Variants in PIGN observed in about 807,000 individuals in gnomAD.
PIGN encodes the protein GPI ethanolamine phosphate transferase 1.
In PIGN, 117 loss-of-function variants were observed where a neutral mutation model predicts 125.4. The ratio of observed to expected loss-of-function variants is 0.93; its 90% CI spans 0.80 to 1.09. PIGN has a LOEUF of 1.09. Ranked by LOEUF, PIGN falls within the 50% of genes least tolerant of loss-of-function variation. The pLI is 0.00. For missense variants in PIGN, 1,075 were observed against 1,094.9 expected (o/e 0.98, Z 0.26); for synonymous variants, 392 against 377.8 (o/e 1.04, Z -0.44).
At chr18:62,110,888 TTA>T (rs901867318) in intron 16 of PIGN, among the ~76,000 whole-genome samples, 3 of 141,410 alleles carry the variant, frequency 2.1e-5, no homozygotes, top group Non-Finnish European at 4.5e-5. Context: ...TGTATATATA[TTA>T]TATATATATA....
intron 23 of PIGN, among the ~76,000 whole-genome samples, chr18:62,034,792 C>T (rs1485211947): frequency 6.6e-6 from 1 of 152,110 alleles, no homozygotes; most frequent in African/African-American, 2.4e-5. Flanking sequence ...GGGGACTTGC[C>T]TTGTCTCAGA....
intron 28 of PIGN, among the ~76,000 whole-genome samples, chr18:62,080,610 C>T (rs1290357565): frequency 2.0e-5 from 3 of 152,136 alleles, no homozygotes; most frequent in African/African-American, 4.8e-5. Flanking sequence ...TAGTCCTTTT[C>T]CCTTGTTCCT....
chr18:62,109,537 T>C (rs2034790434), intron 17 of PIGN, among the ~76,000 whole-genome samples: 2 of 152,190 alleles, frequency 1.3e-5, no homozygotes, highest in African/African-American at 4.8e-5. Flanking sequence ...CATAGTATGA[T>C]CAATATTAAT....
chr18:62,172,872 T>C (rs2037387828), intron 1 of PIGN, among the ~76,000 whole-genome samples: 1 of 152,202 alleles, frequency 6.6e-6, no homozygotes, highest in Non-Finnish European at 1.5e-5. Context: ...AAGCCACTGT[T>C]ACTGTTTCCT....
At chr18:62,172,900 ACT>A (rs1392349399) in intron 1 of PIGN, among the ~76,000 whole-genome samples, 1 of 152,164 alleles carries the variant, frequency 6.6e-6, no homozygotes, top group Non-Finnish European at 1.5e-5. Context: ...AAAAAAAGAC[ACT>A]GTCAGCCCTA....
At chr18:62,141,645 C>T (rs1300570824) in intron 11 of PIGN, among the ~76,000 whole-genome samples, 2 of 152,194 alleles carry the variant, frequency 1.3e-5, no homozygotes. Flanking sequence ...CCTCAGAATC[C>T]ACTGTCGGCC....
chr18:62,168,435 T>A (rs1295252663), intron 1 of PIGN, among the ~76,000 whole-genome samples: 2 of 152,212 alleles, frequency 1.3e-5, no homozygotes, highest in Non-Finnish European at 2.9e-5. Context: ...TTCTCTGCTT[T>A]GCTCCATCCC....
rs1328202819 is a variant in PIGN at position 62,041,488 on chromosome 18, T to C, written c.*4368A>G. 1 of 152,200 alleles carries C rather than the reference T, an allele frequency of 6.6e-6. No individual in the cohort carries two copies. The highest frequency in any genetic ancestry group is 2.4e-5 in the African/African-American group (1 of 41,440). 9.4% of individuals were successfully genotyped at this position (152,200 alleles called of 1,614,324 possible). A position where few individuals can be genotyped will look rare whatever the true frequency, so the allele number is the denominator to read the frequency against. On this transcript the variant is annotated 3_prime_UTR_variant, in exon 31 of 31. Coordinates refer to ENST00000640252, the MANE Select transcript of PIGN (RefSeq NM_176787.5). ...AAATTAAGGTTTTAGTGCAAAATTA[T>C]ATGGAGACATTTCTTTTTGAGGCAG...
At chr18:62,185,526 G>A (rs2037891141) in intron 1 of PIGN, among the ~76,000 whole-genome samples, 3 of 152,012 alleles carry the variant, frequency 2.0e-5, no homozygotes, top group South Asian at 4.1e-4. Flanking sequence ...ACTCTTAACT[G>A]TTGGCATACT....
At chr18:62,060,787 A>C (rs2032074248) in intron 30 of PIGN, among the ~76,000 whole-genome samples, 1 of 152,246 alleles carries the variant, frequency 6.6e-6, no homozygotes. Flanking sequence ...TTGAGGACGC[A>C]AATCTGAATA....
At chr18:62,160,362 T>C (rs949003102) in intron 4 of PIGN, among the ~76,000 whole-genome samples, 1 of 152,220 alleles carries the variant, frequency 6.6e-6, no homozygotes, top group African/African-American at 2.4e-5. Flanking sequence ...GCCAAAGTTA[T>C]GTTAAACAGT....
chr18:62,081,037 T>C (rs2033425027), intron 28 of PIGN, among the ~76,000 whole-genome samples: 1 of 152,184 alleles, frequency 6.6e-6, no homozygotes, highest in African/African-American at 2.4e-5. Flanking sequence ...ATACAACTTT[T>C]CTACTTCACT....
chr18:62,184,455 G>T (rs966990597), intron 1 of PIGN: 1 of 152,124 alleles, frequency 6.6e-6, no homozygotes, highest in Non-Finnish European at 1.5e-5. Context: ...ATTCCAGTGT[G>T]TGTTACTTAT....
chr18:62,151,543 G>A (rs2036535945), intron 7 of PIGN, among the ~76,000 whole-genome samples: 1 of 152,152 alleles, frequency 6.6e-6, no homozygotes, highest in Non-Finnish European at 1.5e-5. Flanking sequence ...GTTAAGGAGG[G>A]CACTGTGCAT....
intron 23 of PIGN, among the ~76,000 whole-genome samples, chr18:62,030,942 T>G (rs2030187337): frequency 6.6e-6 from 1 of 152,192 alleles, no homozygotes; most frequent in African/African-American, 2.4e-5. Flanking sequence ...CCCAGGAGTT[T>G]GAGTACAGCC....
intron 23 of PIGN, among the ~76,000 whole-genome samples, chr18:62,021,024 C>G (rs139501725): frequency 1.3e-5 from 2 of 151,128 alleles, no homozygotes; most frequent in African/African-American, 4.9e-5. Context: ...TGTGGAGGAA[C>G]TGGGACTCTC....
At chr18:62,119,152 C>T (rs999974682) in intron 14 of PIGN, among the ~76,000 whole-genome samples, 1 of 152,118 alleles carries the variant, frequency 6.6e-6, no homozygotes, top group African/African-American at 2.4e-5. Context: ...GAGTCAGCCA[C>T]TACTCTTTGT....
chr18:62,140,324 AC>A, intron 12 of PIGN, 95 bp downstream of exon 12: 1 of 562,720 alleles, frequency 1.8e-6, no homozygotes, highest in Non-Finnish European at 3.1e-6. Context: ...TAAAAAAAAA[AC>A]CCAGATTATT....
intron 27 of PIGN, among the ~76,000 whole-genome samples, chr18:62,083,536 T>G (rs145758143): frequency 1.3e-5 from 2 of 152,258 alleles, no homozygotes; most frequent in African/African-American, 2.4e-5. Context: ...TCAACAAAAG[T>G]CATCAAGTGT....
Sources: allele counts gnomAD v4.1 joint callset (sites outside exome capture counted in the v4.1 genomes callset), GRCh38; gene constraint gnomAD v4.1.1; transcripts MANE v1.5; gene names NCBI Gene and HGNC (gene_info 2026-07-23, HGNC 2026-07-21).